Variants in MYOM2 observed in about 807,000 individuals in gnomAD.
MYOM2 encodes the protein myomesin-2.
In MYOM2, 254 loss-of-function variants were observed where a neutral mutation model predicts 187.6. The ratio of observed to expected loss-of-function variants is 1.35; its 90% CI spans 1.22 to 1.50. MYOM2 has a LOEUF of 1.50. Ranked by LOEUF, MYOM2 falls within the 40% of genes most tolerant of loss-of-function variation. The pLI, the probability that MYOM2 is intolerant of heterozygous loss-of-function variation, is 0.00. For missense variants in MYOM2, 2,796 were observed against 1,924.0 expected (o/e 1.45, Z -8.48); for synonymous variants, 981 against 753.8 (o/e 1.30, Z -4.94).
chr8:2,075,984 C>T (rs554077345), intron 10 of MYOM2, among the ~76,000 whole-genome samples, 157 bp from the exon 11 acceptor site: 5 of 152,280 alleles, frequency 3.3e-5, no homozygotes, highest in South Asian at 4.1e-4. Context: ...GTCACCAACC[C>T]GCCAGAGTAA....
Position 2,099,001 on chromosome 8 carries a change from G to C in MYOM2, c.2440+18G>C. 6.3e-7 allele frequency: 1 copy of C among 1,590,044 alleles called. No individual in the cohort carries two copies. Among genetic ancestry groups the C allele is most frequent in the Non-Finnish European group, 8.6e-7 (1 of 1,163,768 alleles). On this transcript the variant is annotated intron_variant, in intron 19 of 36. Transcript: ENST00000262113. ...GGAGCCCGGTGAGTCGCTGCCCCCA[G>C]GACACCCGCGTTCCAGCGCACAGGC...
rs980853165 is a variant in MYOM2 at position 2,073,315 on chromosome 8, C to T, written c.959-24C>T. 4 of 1,585,758 alleles carry T rather than the reference C, an allele frequency of 2.5e-6. No individual in the cohort carries two copies. The African/African-American group carries it at 4.1e-5, about 16-fold the overall frequency. ...CTGCTGGGGTGATTTTGGATGCAAACCTTCCGTGTTAACGCTCTTTCAGAC... is the reference window on the plus strand; with the variant it reads ...CTGCTGGGGTGATTTTGGATGCAAATCTTCCGTGTTAACGCTCTTTCAGAC... On this transcript the variant is annotated intron_variant, in intron 9 of 36. Transcript: ENST00000262113.
At chr8:2,140,586 C>G (rs1355459649) in intron 32 of MYOM2, 137 bp from the exon 33 acceptor site, 7 of 782,520 alleles carry the variant, frequency 8.9e-6, no homozygotes, top group Non-Finnish European at 1.4e-5. Context: ...ACATTCGTAA[C>G]AGCCAGAATA....
intron 28 of MYOM2, chr8:2,119,262 A>G (rs1797346674): frequency 6.6e-6 from 1 of 152,326 alleles, no homozygotes; most frequent in South Asian, 2.1e-4. Flanking sequence ...CAAGCTGCCA[A>G]AGGACAGCCT....
chr8:2,060,999 G>T (rs920202062), intron 6 of MYOM2, among the ~76,000 whole-genome samples: 3 of 152,116 alleles, frequency 2.0e-5, no homozygotes, highest in African/African-American at 7.2e-5. Flanking sequence ...TCCCCAGCAG[G>T]GTTCTGGCTG....
intron 32 of MYOM2, among the ~76,000 whole-genome samples, chr8:2,134,193 G>C (rs772535966): frequency 3.9e-5 from 6 of 152,142 alleles, no homozygotes; most frequent in Non-Finnish European, 7.4e-5. Context: ...CAGGTCCCAT[G>C]TTGTGATTAG....
chr8:2,134,580 G>T (rs1798000301), intron 32 of MYOM2, among the ~76,000 whole-genome samples: 1 of 120,150 alleles, frequency 8.3e-6, no homozygotes. Flanking sequence ...AGGGGCTGAA[G>T]TTCCCTTTTC....
At position 2,050,882 on chromosome 8, in the gene MYOM2, A is replaced by T. The variant is rs1210123302; in HGVS notation, c.107+9A>T. ...GAATATGCGTCAAAAAAGTAAGCTG[A>T]CATTCGCTGATGAGACGCGCAGAGC... On this transcript the variant is annotated intron_variant, in intron 2 of 36. Coordinates refer to ENST00000262113, the MANE Select transcript of MYOM2 (RefSeq NM_003970.4). The T allele has an allele frequency of 6.3e-7, 1 of 1,597,744 alleles. No homozygotes were observed. Among genetic ancestry groups the T allele is most frequent in the Non-Finnish European group, 8.6e-7 (1 of 1,165,728 alleles).
chr8:2,050,982 G>A, intron 2 of MYOM2, 109 bp downstream of exon 2: 13 of 817,014 alleles, frequency 1.6e-5, no homozygotes, highest in Non-Finnish European at 2.2e-5. Context: ...TTTGCAGGGA[G>A]TCAGAGAGCA....
intron 24 of MYOM2, among the ~76,000 whole-genome samples, chr8:2,109,132 A>T (rs1225606931): frequency 2.0e-5 from 3 of 152,212 alleles, no homozygotes; most frequent in Non-Finnish European, 4.4e-5. Context: ...GAATTGCATT[A>T]AATATAGAAA....
rs200560063 is a variant in MYOM2 at position 2,090,162 on chromosome 8, C to T, written c.1799C>T (p.Thr600Met). ...RHGLSEPSEI[T>M]SPIQAQDVTV... ...GGCCTGAGCGAACCTTCGGAGATAA[C>T]GTCCCCCATTCAGGCCCAGGATGTG... The change falls in exon 15 of 37, where the codon ACG becomes ATG. Residue 600 changes from threonine to methionine, a missense_variant. Physicochemically the swap from Thr to Met is moderately conservative, Grantham distance 81. Transcript: ENST00000262113. The T allele has an allele frequency of 6.6e-5, 107 of 1,613,894 alleles. No homozygotes were observed. The highest frequency in any genetic ancestry group is 6.2e-4 in the East Asian group (28 of 44,868).
At chr8:2,084,722 G>C (rs933103148) in intron 13 of MYOM2, among the ~76,000 whole-genome samples, 1 of 152,204 alleles carries the variant, frequency 6.6e-6, no homozygotes, top group African/African-American at 2.4e-5. Context: ...TGCAGACATA[G>C]AATACAGTGC....
chr8:2,143,971 G>T (rs896521828), intron 36 of MYOM2, among the ~76,000 whole-genome samples: 1 of 152,218 alleles, frequency 6.6e-6, no homozygotes, highest in African/African-American at 2.4e-5. Context: ...GTTGCCTGTC[G>T]GGAGAATTAT....
At chr8:2,099,087 G>T in intron 19 of MYOM2, 104 bp downstream of exon 19, 1 of 1,399,972 alleles carries the variant, frequency 7.1e-7, no homozygotes, top group Non-Finnish European at 9.5e-7. Flanking sequence ...CAGCGTGTCT[G>T]TTCCTCCGAC....
intron 6 of MYOM2, among the ~76,000 whole-genome samples, chr8:2,066,287 C>T (rs1819016886): frequency 6.6e-6 from 1 of 152,222 alleles, no homozygotes. Context: ...GTCCACCTGG[C>T]TTGTGCGTTC....
intron 31 of MYOM2, 27 bp from the exon 32 acceptor site, chr8:2,129,100 G>T (rs1383341717): frequency 6.4e-7 from 1 of 1,552,824 alleles, no homozygotes. Flanking sequence ...CCTTTTCCTA[G>T]ATCTGAGGAT....
chr8:2,076,898 G>A (rs1443558732), intron 11 of MYOM2, among the ~76,000 whole-genome samples: 2 of 152,200 alleles, frequency 1.3e-5, no homozygotes, highest in Admixed American at 6.5e-5. Flanking sequence ...CCTGGGAAGT[G>A]TACTGCACAG....
chr8:2,119,220 A>C (rs1045976801), intron 28 of MYOM2: 2 of 152,254 alleles, frequency 1.3e-5, no homozygotes, highest in African/African-American at 2.4e-5. Flanking sequence ...AGGTATTGGG[A>C]ATGCTTGGCT....
At chr8:2,084,210 G>C (rs1819730807) in intron 13 of MYOM2, among the ~76,000 whole-genome samples, 2 of 152,208 alleles carry the variant, frequency 1.3e-5, no homozygotes, top group Admixed American at 6.5e-5. Context: ...CCCCGCCCCA[G>C]TTACCCTCTG....
Sources: allele counts gnomAD v4.1 joint callset (sites outside exome capture counted in the v4.1 genomes callset), GRCh38; gene constraint gnomAD v4.1.1; transcripts MANE v1.5; gene names NCBI Gene and HGNC (gene_info 2026-07-23, HGNC 2026-07-21).